Variants in AVP observed in about 807,000 individuals in gnomAD.
The protein encoded by AVP is arginine vasopressin.
Under a neutral mutation model 11.1 loss-of-function variants are expected in AVP, and 9 were observed. That is an observed-to-expected ratio of 0.81 (90% CI 0.49 to 1.42). The LOEUF (loss-of-function observed/expected upper bound fraction) is 1.42. AVP is among the 40% of genes most tolerant of loss of function. AVP has a pLI of 0.00. For missense variants in AVP, 206 were observed against 238.5 expected, an observed-to-expected ratio of 0.86 and a Z score of 0.90; for synonymous variants, 106 against 111.3, an observed-to-expected ratio of 0.95 and a Z score of 0.30.
Position 3,082,616 on chromosome 20 carries a change from G to T in AVP, c.*14C>A. The T allele has an allele frequency of 8.0e-7, 1 of 1,249,464 alleles. No homozygotes were observed. Among genetic ancestry groups the T allele is most frequent in the South Asian group, 3.2e-5 (1 of 30,786 alleles). 77.4% of individuals were successfully genotyped at this position (1,249,464 alleles called of 1,614,324 possible). A position where few individuals can be genotyped will look rare whatever the true frequency, so the allele number is the denominator to read the frequency against. On this transcript the variant is annotated 3_prime_UTR_variant, in exon 3 of 3. Coordinates refer to ENST00000380293, the MANE Select transcript of AVP (RefSeq NM_000490.5). The surrounding 1 kb of genome is among the most constrained non-coding windows in gnomAD (Gnocchi z 4.7). ...GCGGGCGCGAAGAGCGCGCCGGTGGGGCGAGCGCGGGGCTCAGTAGGCGTC... is the reference window on the plus strand; with the variant it reads ...GCGGGCGCGAAGAGCGCGCCGGTGGTGCGAGCGCGGGGCTCAGTAGGCGTC...
In AVP at chr20:3,082,944, C is replaced by T. The variant is rs1193815269; in HGVS notation, c.322+33G>A. The T allele has an allele frequency of 3.1e-6, 4 of 1,291,328 alleles. No individual in the cohort carries two copies. Among genetic ancestry groups the T allele is most frequent in the Non-Finnish European group, 3.9e-6 (4 of 1,014,064 alleles). 80.0% of individuals were successfully genotyped at this position (1,291,328 alleles called of 1,614,324 possible). A position where few individuals can be genotyped will look rare whatever the true frequency, so the allele number is the denominator to read the frequency against. ...CCCCCCCACCCAAGCGGTCTGCGCC[C>T]CCCCCAGCCCCAGGCCCGCCCCCGC... On this transcript the variant is annotated intron_variant, in intron 2 of 2. Transcript: ENST00000380293. This position sits in a 1 kb window ranked among gnomAD's most constrained non-coding sequence, Gnocchi z 4.7.
In AVP at chr20:3,082,940, C is replaced by T; in HGVS notation, c.322+37G>A. Reference sequence around the variant, plus strand: ...GCGTCCCCCCCACCCAAGCGGTCTGCGCCCCCCCCAGCCCCAGGCCCGCCC... The same window carrying T: ...GCGTCCCCCCCACCCAAGCGGTCTGTGCCCCCCCCAGCCCCAGGCCCGCCC... On this transcript the variant is annotated intron_variant, in intron 2 of 2. Transcript: ENST00000380293. This position sits in a 1 kb window ranked among gnomAD's most constrained non-coding sequence, Gnocchi z 4.7. 2 of 954,110 alleles carry T rather than the reference C, an allele frequency of 2.1e-6. No homozygotes were observed. Among genetic ancestry groups the T allele is most frequent in the Non-Finnish European group, 2.6e-6 (2 of 756,368 alleles). The allele number at this position is 954,110 out of a possible 1,614,324, so 59.1% of individuals were successfully genotyped here. A position where few individuals can be genotyped will look rare whatever the true frequency, so the allele number is the denominator to read the frequency against.
At position 3,082,944 on chromosome 20, in the gene AVP, C is replaced by CG; in HGVS notation, c.322+32_322+33insC. 7.7e-7 allele frequency: 1 copy of CG among 1,291,328 alleles called. No homozygotes were observed. Among genetic ancestry groups the CG allele is most frequent in the Middle Eastern group, 2.9e-4 (1 of 3,462 alleles). The allele number at this position is 1,291,328 out of a possible 1,614,324, so 80.0% of individuals were successfully genotyped here. A position where few individuals can be genotyped will look rare whatever the true frequency, so the allele number is the denominator to read the frequency against. ...CCCCCCCACCCAAGCGGTCTGCGCC[C>CG]CCCCCAGCCCCAGGCCCGCCCCCGC... On this transcript the variant is annotated intron_variant, in intron 2 of 2. Transcript: ENST00000380293. This position sits in a 1 kb window ranked among gnomAD's most constrained non-coding sequence, Gnocchi z 4.7.
chr20:3,082,624 C>CG lies in AVP; in HGVS notation c.*5dup, dbSNP rs2066115212. 8.0e-7 allele frequency: 1 copy of CG among 1,252,746 alleles called. No individual in the cohort carries two copies. Among genetic ancestry groups the CG allele is most frequent in the Non-Finnish European group, 1.0e-6 (1 of 1,000,714 alleles). The allele number at this position is 1,252,746 out of a possible 1,614,324, so 77.6% of individuals were successfully genotyped here. On this transcript the variant is annotated 3_prime_UTR_variant, in exon 3 of 3. Coordinates refer to ENST00000380293, the MANE Select transcript of AVP (RefSeq NM_000490.5). The surrounding 1 kb of genome is among the most constrained non-coding windows in gnomAD (Gnocchi z 4.7). ...GAAGAGCGCGCCGGTGGGGCGAGCG[C>CG]GGGGCTCAGTAGGCGTCGGGCTGGG... is the stretch of plus-strand genomic sequence containing the variant.
In AVP at chr20:3,083,718, T is replaced by G. The variant is rs2066123587; in HGVS notation, c.121-540A>C. Among the ~76,000 whole-genome samples, 1 of 152,112 alleles carries G rather than the reference T, an allele frequency of 6.6e-6. No homozygotes were observed. Among genetic ancestry groups the G allele is most frequent in the African/African-American group, 2.4e-5 (1 of 41,444 alleles). On this transcript the variant is annotated intron_variant, in intron 1 of 2. Transcript: ENST00000380293. The surrounding 1 kb of genome is among the most constrained non-coding windows in gnomAD (Gnocchi z 5.4). ...CGGCCTCAGCTGGAGCCCTGACCCC[T>G]GCTCAGCCACCTATGACCTATCAGG...
At position 3,083,122 on chromosome 20, in the gene AVP, G is replaced by A. The variant is rs1241877084; in HGVS notation, c.177C>T (p.Cys59=). The A allele has an allele frequency of 1.3e-6, 2 of 1,535,652 alleles. No individual in the cohort carries two copies. Among genetic ancestry groups the A allele is most frequent in the East Asian group, 2.6e-5 (1 of 38,638 alleles). The part of the protein sequence containing the change: ...KGRCFGPSIC[C]ADELGCFVGT... ...CCACGAAGCAGCCCAGCTCGTCCGC[G>A]CAGCAGATGCTGGGCCCGAAGCAGC... Residue 59 remains cysteine (C), a synonymous_variant, in exon 2 of 3, where the codon TGC becomes TGT. Transcript: ENST00000380293. This position sits in a 1 kb window ranked among gnomAD's most constrained non-coding sequence, Gnocchi z 5.4.
rs2066116482 is a variant in AVP, at chr20:3,082,752, G to T, written c.373C>A (p.Arg125Ser). ...ECREGFHRRA[R>S]ASDRSNATQL... ...GTGGCGTTGCTCCGGTCGCTGGCGC[G>T]GGCGCGGCGGTGAAAGCCCTCGCGG... is the stretch of plus-strand genomic sequence containing the variant. Residue 125 changes from arginine (R) to serine (S), a missense_variant, in exon 3 of 3, where the codon CGC becomes AGC. Arg to Ser is a moderately radical substitution (Grantham distance 110). This residue lies in a region of AVP where 106 missense variants were observed against 89.2 expected (regional missense o/e 1.19). Transcript: ENST00000380293. The surrounding 1 kb of genome is among the most constrained non-coding windows in gnomAD (Gnocchi z 4.7). The T allele has an allele frequency of 1.6e-6, 2 of 1,273,716 alleles. No homozygotes were observed. The highest frequency in any genetic ancestry group is 9.9e-7 in the Non-Finnish European group (1 of 1,012,156). 78.9% of individuals were successfully genotyped at this position (1,273,716 alleles called of 1,614,324 possible). A position where few individuals can be genotyped will look rare whatever the true frequency, so the allele number is the denominator to read the frequency against.
intron 1 of AVP, among the ~76,000 whole-genome samples, chr20:3,084,139 G>T (rs1374504201): frequency 6.6e-6 from 1 of 152,194 alleles, no homozygotes; most frequent in East Asian, 1.9e-4. Context: ...CTGTGGCTGG[G>T]AGGCTGGGGC....
At position 3,083,240 on chromosome 20, in the gene AVP, A is replaced by C; in HGVS notation, c.121-62T>G. 2 of 1,367,204 alleles carry C rather than the reference A, an allele frequency of 1.5e-6. No homozygotes were observed. Among genetic ancestry groups the C allele is most frequent in the Non-Finnish European group, 1.9e-6 (2 of 1,054,356 alleles). The allele number at this position is 1,367,204 out of a possible 1,614,324, so 84.7% of individuals were successfully genotyped here. A position where few individuals can be genotyped will look rare whatever the true frequency, so the allele number is the denominator to read the frequency against. On this transcript the variant is annotated intron_variant, in intron 1 of 2. Coordinates refer to ENST00000380293, the MANE Select transcript of AVP (RefSeq NM_000490.5). The surrounding 1 kb of genome is among the most constrained non-coding windows in gnomAD (Gnocchi z 5.4). ...CCGGGAGTCGAGGGGTTGGAGGGGA[A>C]CGCAGCGAGGCGGGGATGCTGGGGT... is the stretch of plus-strand genomic sequence containing the variant.
In AVP at chr20:3,082,637, G is replaced by A. The variant is rs2148570441; in HGVS notation, c.488C>T (p.Ala163Val). ...GTGGGGCGAGCGCGGGGCTCAGTAG[G>A]CGTCGGGCTGGGCGGGCTCGAAGGG... ...PEPFEPAQPD[A>V]Y Residue 163 changes from alanine to valine, a missense_variant, in exon 3 of 3, where the codon GCC (alanine) becomes GTC (valine). Ala to Val is a moderately conservative substitution (Grantham distance 64, BLOSUM62 0). Coordinates refer to ENST00000380293, the MANE Select transcript of AVP (RefSeq NM_000490.5). The surrounding 1 kb of genome is among the most constrained non-coding windows in gnomAD (Gnocchi z 4.7). 7.9e-7 allele frequency: 1 copy of A among 1,268,316 alleles called. No individual in the cohort carries two copies. Among genetic ancestry groups the A allele is most frequent in the South Asian group, 2.9e-5 (1 of 34,778 alleles). The allele number at this position is 1,268,316 out of a possible 1,614,324, so 78.6% of individuals were successfully genotyped here.
In AVP at chr20:3,082,771, C is replaced by G. The variant is rs1200562425; in HGVS notation, c.354G>C (p.Glu118Asp). 1 of 1,263,022 alleles carries G rather than the reference C, an allele frequency of 7.9e-7. No individual in the cohort carries two copies. The highest frequency in any genetic ancestry group is 3.3e-5 in the East Asian group (1 of 30,188). The allele number at this position is 1,263,022 out of a possible 1,614,324, so 78.2% of individuals were successfully genotyped here. The change falls in exon 3 of 3, where the codon GAG becomes GAC. Residue 118 changes from glutamate to aspartate, a missense_variant. This residue lies in a region of AVP where 106 missense variants were observed against 89.2 expected (regional missense o/e 1.19). Transcript: ENST00000380293. The surrounding 1 kb of genome is among the most constrained non-coding windows in gnomAD (Gnocchi z 4.7). ...ESCVTEPECR[E>D]GFHRRARASD... Reference sequence around the variant, plus strand: ...TGGCGCGGGCGCGGCGGTGAAAGCCCTCGCGGCACTCGGGCTCGGTCACGC... The same window carrying G: ...TGGCGCGGGCGCGGCGGTGAAAGCCGTCGCGGCACTCGGGCTCGGTCACGC...
intron 1 of AVP, among the ~76,000 whole-genome samples, chr20:3,084,254 T>G (rs2066126359): frequency 1.3e-5 from 2 of 152,044 alleles, no homozygotes; most frequent in South Asian, 4.2e-4. Context: ...GATGCCCCGT[T>G]CTCCCTATCC....
chr20:3,084,666 G>T lies in AVP; in HGVS notation c.9C>A (p.Asp3Glu), dbSNP rs764336521. 1 of 1,613,332 alleles carries T rather than the reference G, an allele frequency of 6.2e-7. No individual in the cohort carries two copies. Among genetic ancestry groups the T allele is most frequent in the Non-Finnish European group, 8.5e-7 (1 of 1,180,030 alleles). Reference protein sequence around the residue: MPDTMLPACFLGL... With the variant: MPETMLPACFLGL... Reference sequence around the variant, plus strand: ...CGAGGAAGCAGGCGGGCAGCATGGTGTCAGGCATCCTGGTGCACACAGGTG... The same window carrying T: ...CGAGGAAGCAGGCGGGCAGCATGGTTTCAGGCATCCTGGTGCACACAGGTG... The change falls in exon 1 of 3, where the codon GAC becomes GAA. Residue 3 changes from aspartate (D) to glutamate (E), a missense_variant. This residue lies in a region of AVP where 100 missense variants were observed against 149.3 expected (regional missense o/e 0.67). Transcript: ENST00000380293.
chr20:3,084,435 T>TC, intron 1 of AVP, 120 bp downstream of exon 1: 1 of 1,549,436 alleles, frequency 6.5e-7, no homozygotes, highest in South Asian at 1.1e-5. Context: ...TCCCTCTTCC[T>TC]CCCCCGAACT....
Position 3,083,078 on chromosome 20 carries a change from C to A in AVP, c.221G>T (p.Arg74Leu). ...GCFVGTAEALRCQEENYLPSP... is the reference protein window; with the variant it reads ...GCFVGTAEALLCQEENYLPSP... ...CGGCAGGTAGTTCTCCTCCTGGCAG[C>A]GCAGCGCCTCAGCCGTGCCCACGAA... The change falls in exon 2 of 3, where the codon CGC becomes CTC. Residue 74 changes from arginine (R) to leucine (L), a missense_variant. Arg to Leu is a moderately radical substitution (Grantham distance 102). Around this residue, in one of 2 missense-constraint regions of AVP, gnomAD observed 100 missense variants for 149.3 expected, o/e 0.67. Coordinates refer to ENST00000380293, the MANE Select transcript of AVP (RefSeq NM_000490.5). This position sits in a 1 kb window ranked among gnomAD's most constrained non-coding sequence, Gnocchi z 5.4. 6.4e-7 allele frequency: 1 copy of A among 1,561,918 alleles called. No individual in the cohort carries two copies. Among genetic ancestry groups the A allele is most frequent in the South Asian group, 1.2e-5 (1 of 86,326 alleles).
intron 1 of AVP, among the ~76,000 whole-genome samples, chr20:3,084,275 C>T (rs1011486157): frequency 1.3e-5 from 2 of 152,198 alleles, no homozygotes; most frequent in African/African-American, 4.8e-5. Flanking sequence ...AGCCCCAAGC[C>T]CAGTCACCGG....
Position 3,082,628 on chromosome 20 carries a change from G to T in AVP, c.*2C>A. ...AGCGCGCCGGTGGGGCGAGCGCGGG[G>T]CTCAGTAGGCGTCGGGCTGGGCGGG... On this transcript the variant is annotated 3_prime_UTR_variant, in exon 3 of 3. Coordinates refer to ENST00000380293, the MANE Select transcript of AVP (RefSeq NM_000490.5). The surrounding 1 kb of genome is among the most constrained non-coding windows in gnomAD (Gnocchi z 4.7). The T allele has an allele frequency of 7.9e-7, 1 of 1,262,730 alleles. No homozygotes were observed. Among genetic ancestry groups the T allele is most frequent in the Non-Finnish European group, 9.9e-7 (1 of 1,007,110 alleles). The allele number at this position is 1,262,730 out of a possible 1,614,324, so 78.2% of individuals were successfully genotyped here.
Position 3,083,275 on chromosome 20 carries a change from G to A in AVP, c.121-97C>T. 7.9e-7 allele frequency: 1 copy of A among 1,269,314 alleles called. No homozygotes were observed. The highest frequency in any genetic ancestry group is 1.9e-5 in the South Asian group (1 of 53,318). The allele number at this position is 1,269,314 out of a possible 1,614,324, so 78.6% of individuals were successfully genotyped here. On this transcript the variant is annotated intron_variant, in intron 1 of 2. Transcript: ENST00000380293. The surrounding 1 kb of genome is among the most constrained non-coding windows in gnomAD (Gnocchi z 5.4). ...GCGGGGATGCTGGGGTCCAGGGCTC[G>A]GAGTGCGGGCGGGACACCGGGGCTG...
chr20:3,082,889 C>G lies in AVP; in HGVS notation c.323-87G>C. On this transcript the variant is annotated intron_variant, in intron 2 of 2. Transcript: ENST00000380293. The surrounding 1 kb of genome is among the most constrained non-coding windows in gnomAD (Gnocchi z 4.7). ...CCCACACCCTCCCTGCCGGGCCCGA[C>G]GCAGCCCCCACCCCGCCGCAGGCCC... 1.6e-6 allele frequency: 2 copies of G among 1,219,340 alleles called. No homozygotes were observed. Among genetic ancestry groups the G allele is most frequent in the Non-Finnish European group, 2.0e-6 (2 of 978,792 alleles). The allele number at this position is 1,219,340 out of a possible 1,614,324, so 75.5% of individuals were successfully genotyped here.
Sources: allele counts gnomAD v4.1 joint callset (sites outside exome capture counted in the v4.1 genomes callset), GRCh38; gene constraint gnomAD v4.1.1; regional missense constraint gnomAD v4.1.1; non-coding constraint Gnocchi (gnomAD v3.1); transcripts MANE v1.5; gene names NCBI Gene and HGNC (gene_info 2026-07-23, HGNC 2026-07-21).